ARMC2: variants seen among roughly 807,000 people sequenced by gnomAD.
ARMC2 encodes the protein armadillo repeat-containing protein 2.
In ARMC2, 67 loss-of-function variants were observed where a neutral mutation model predicts 90.3. The ratio of observed to expected loss-of-function variants is 0.74; its 90% CI spans 0.61 to 0.91. ARMC2 has a LOEUF of 0.91. ARMC2 is among the 40% of genes least tolerant of loss of function. The pLI is 0.00. For missense variants in ARMC2, 920 were observed against 1,030.9 expected, an observed-to-expected ratio of 0.89 and a Z score of 1.47; for synonymous variants, 393 against 393.0, an observed-to-expected ratio of 1.00 and a Z score of 0.00.
In ARMC2 at chr6:108,917,613, A is replaced by G. The variant is rs184955054; in HGVS notation, c.1350+5055A>G. On this transcript the variant is annotated intron_variant, in intron 10 of 17. Transcript: ENST00000392644. ...GAGGAAAGAAAATTGTGGGAAGAAA[A>G]TTATGTTAATTAGCTTTATTTTTAT... Among the ~76,000 whole-genome samples, 43 of 152,104 alleles carry G rather than the reference A, an allele frequency of 2.8e-4. No homozygotes were observed. In the East Asian group the frequency reaches 8.1e-3, roughly 29 times the overall value.
chr6:108,907,901 T>C, intron 8 of ARMC2: 1 of 1,591,068 alleles, frequency 6.3e-7, no homozygotes, highest in Non-Finnish European at 8.6e-7. Context: ...GCTGTGTTCT[T>C]CTGTTTTCTT....
At chr6:109,022,411 C>CT in the ARMC2 span, among the ~76,000 whole-genome samples, 1,359 of 65,898 alleles carry the variant, frequency 0.021, 327 homozygotes, top group East Asian at 0.11. Flanking sequence ...TGTTCTAAAG[C>CT]TTTTTTTTTT....
At chr6:108,966,419 C>A (rs1480271486) in intron 17 of ARMC2, among the ~76,000 whole-genome samples, 1 of 152,142 alleles carries the variant, frequency 6.6e-6, no homozygotes, top group Non-Finnish European at 1.5e-5. Context: ...GAGCCTAACA[C>A]AGTGCCTGCT....
chr6:109,007,828 G>GA, the ARMC2 span, among the ~76,000 whole-genome samples: 1 of 115,750 alleles, frequency 8.6e-6, no homozygotes, highest in Non-Finnish European at 1.7e-5. Flanking sequence ...CTATATTTTA[G>GA]AAAAAAAACT....
chr6:108,859,445 A>G lies in ARMC2; in HGVS notation c.291+1174A>G, dbSNP rs572038164. 2.0e-5 allele frequency among the ~76,000 whole-genome samples: 3 copies of G among 152,202 alleles called. No individual in the cohort carries two copies. The South Asian group carries it at 6.2e-4, about 32-fold the overall frequency. Reference sequence around the variant, plus strand: ...CTTGAGAAAGGGTACATGGGAAGTAAATTATTTGAAACCTTGATTCCTGTT... The same window carrying G: ...CTTGAGAAAGGGTACATGGGAAGTAGATTATTTGAAACCTTGATTCCTGTT... On this transcript the variant is annotated intron_variant, in intron 3 of 17. Coordinates refer to ENST00000392644, the MANE Select transcript of ARMC2 (RefSeq NM_032131.6).
intron 12 of ARMC2, among the ~76,000 whole-genome samples, chr6:108,937,718 C>T (rs766335066): frequency 2.9e-4 from 44 of 151,820 alleles, no homozygotes; most frequent in Admixed American, 2.4e-3. Context: ...TTTTTTGAGA[C>T]GAGTCTCACT....
At chr6:108,869,048 T>C in intron 4 of ARMC2, 53 bp downstream of exon 4, 3 of 1,505,304 alleles carry the variant, frequency 2.0e-6, no homozygotes, top group Non-Finnish European at 2.7e-6. Context: ...CTTCTTGAAT[T>C]TGCACACAAA....
chr6:108,957,243 C>G (rs1198964178), intron 13 of ARMC2, among the ~76,000 whole-genome samples: 1 of 152,192 alleles, frequency 6.6e-6, no homozygotes, highest in Non-Finnish European at 1.5e-5. Flanking sequence ...AAAAGTCACC[C>G]CTGACAGGGG....
In ARMC2 at chr6:108,962,088, C is replaced by T; in HGVS notation, c.2113C>T (p.Gln705Ter). 1.2e-6 allele frequency: 2 copies of T among 1,612,994 alleles called. No homozygotes were observed. The highest frequency in any genetic ancestry group is 8.5e-7 in the Non-Finnish European group (1 of 1,179,340). The change falls in exon 15 of 18, where the codon CAG becomes TAG. Residue 705 changes from glutamine (Q) to a stop codon, truncating the protein, a stop_gained. Transcript: ENST00000392644. LOFTEE classifies it high-confidence loss of function. ...EAVRVFGNLSQDHDVCDFIVQ... is the reference protein window; with the variant it reads ...EAVRVFGNLS The stretch of plus-strand genomic sequence containing the variant: ...TGTGCGTGTTTTCGGAAATCTCTCC[C>T]AGGACCATGATGTCTGCGATTTCAT...
chr6:108,869,807 T>C (rs534286973), intron 4 of ARMC2, among the ~76,000 whole-genome samples: 117 of 152,056 alleles, frequency 7.7e-4, no homozygotes, highest in African/African-American at 2.7e-3. Flanking sequence ...CCACCAACAA[T>C]TGGAATCACT....
the ARMC2 span, among the ~76,000 whole-genome samples, chr6:109,046,732 GC>G: frequency 1.5e-5 from 2 of 136,612 alleles, no homozygotes; most frequent in African/African-American, 5.4e-5. Flanking sequence ...CCTCTGCCCC[GC>G]CGCCCCATCT....
chr6:108,882,589 G>A (rs1777707318), intron 5 of ARMC2, among the ~76,000 whole-genome samples: 1 of 152,060 alleles, frequency 6.6e-6, no homozygotes, highest in Admixed American at 6.6e-5. Context: ...GCTACATTAG[G>A]AATAAAAAAT....
intron 13 of ARMC2, 69 bp downstream of exon 13, chr6:108,953,420 G>A: frequency 6.9e-7 from 1 of 1,450,080 alleles, no homozygotes; most frequent in Non-Finnish European, 9.2e-7. Context: ...ACAGTTCTGT[G>A]TCTGTGGTGT....
At chr6:108,940,935 A>G (rs1246774336) in intron 12 of ARMC2, among the ~76,000 whole-genome samples, 5 of 152,066 alleles carry the variant, frequency 3.3e-5, no homozygotes, top group Non-Finnish European at 5.9e-5. Context: ...GAGAGAGAGA[A>G]GACTGGCAAC....
At chr6:108,986,999 CAAG>C in the ARMC2 span, 1 of 152,528 alleles carries the variant, frequency 6.6e-6, no homozygotes, top group African/African-American at 2.4e-5. Context: ...TTTTTAGATG[CAAG>C]AAAATTAACA....
At chr6:108,855,433 A>T (rs751971714) in intron 2 of ARMC2, among the ~76,000 whole-genome samples, 2 of 151,890 alleles carry the variant, frequency 1.3e-5, no homozygotes, top group African/African-American at 4.8e-5. Context: ...GTGTGTTTTT[A>T]GTAGAGACGG....
At chr6:109,004,666 G>A in the ARMC2 span, among the ~76,000 whole-genome samples, 6 of 152,064 alleles carry the variant, frequency 3.9e-5, no homozygotes, top group East Asian at 7.7e-4. Flanking sequence ...TCCTGACCTC[G>A]TGATGCGCCC....
At chr6:109,052,965 T>C in the ARMC2 span, among the ~76,000 whole-genome samples, 8 of 152,100 alleles carry the variant, frequency 5.3e-5, no homozygotes, top group South Asian at 4.1e-4. Flanking sequence ...AATAAAGTAA[T>C]TGAAAGTTGT....
At chr6:109,046,488 C>T in the ARMC2 span, among the ~76,000 whole-genome samples, 1 of 148,092 alleles carries the variant, frequency 6.8e-6, no homozygotes. Flanking sequence ...AGATTGCAGC[C>T]TCTGCCCGGC....
Sources: gnomAD v4.1 joint callset for allele counts (sites outside exome capture counted in the v4.1 genomes callset) on GRCh38, gnomAD v4.1.1 for gene constraint, MANE v1.5 for transcripts, NCBI Gene and HGNC (gene_info 2026-07-23, HGNC 2026-07-21) for gene names.